Variants in TMEM108 observed in about 807,000 individuals in gnomAD.
The protein encoded by TMEM108 is cancer/testis antigen 124.
A neutral mutation model predicts 35.1 loss-of-function variants in TMEM108; 12 were observed. The observed-to-expected ratio is 0.34, with a 90% CI of 0.22 to 0.55. TMEM108 has a LOEUF of 0.55. Ranked by LOEUF, TMEM108 falls within the 20% of genes least tolerant of loss-of-function variation. TMEM108 has a pLI of 0.89. For synonymous variants in TMEM108, 287 were observed against 308.6 expected, an observed-to-expected ratio of 0.93 and a Z score of 0.73; for missense variants, 680 against 753.3, an observed-to-expected ratio of 0.90 and a Z score of 1.14.
rs769528744 is a variant in TMEM108, at chr3:133,380,567, G to C, written c.856G>C (p.Gly286Arg). The C allele has an allele frequency of 9.3e-6, 15 of 1,613,526 alleles. No homozygotes were observed. Among genetic ancestry groups the C allele is most frequent in the African/African-American group, 2.7e-5 (2 of 74,912 alleles). Residue 286 changes from glycine (G) to arginine (R), a missense_variant, in exon 4 of 6, where the codon GGG (glycine) becomes CGG (arginine). This residue lies in a region of TMEM108 where 526 missense variants were observed against 532.1 expected (regional missense o/e 0.99). Transcript: ENST00000321871. The surrounding 1 kb of genome is among the most constrained non-coding windows in gnomAD (Gnocchi z 5.3). Reference protein sequence around the residue: ...DKPGLRRAAQGGGSTFTSQGG... With the variant: ...DKPGLRRAAQRGGSTFTSQGG... Reference sequence around the variant, plus strand: ...GCCAGGCCTTCGCAGAGCAGCCCAGGGGGGTGGTTCTACCTTCACCAGCCA... The same window carrying C: ...GCCAGGCCTTCGCAGAGCAGCCCAGCGGGGTGGTTCTACCTTCACCAGCCA...
At chr3:133,393,960 G>A (rs971967290) in intron 5 of TMEM108, among the ~76,000 whole-genome samples, 6 of 152,230 alleles carry the variant, frequency 3.9e-5, no homozygotes, top group Non-Finnish European at 7.3e-5. Flanking sequence ...GGCGCCATAG[G>A]ACCTGCAGCA....
At chr3:133,233,026 G>GTT (rs61221027) in intron 3 of TMEM108, among the ~76,000 whole-genome samples, 8 of 138,764 alleles carry the variant, frequency 5.8e-5, no homozygotes, top group Admixed American at 3.5e-4. Context: ...TACCACTTTC[G>GTT]TTTTTTTTTT....
chr3:133,270,356 C>T (rs762832502), intron 3 of TMEM108, among the ~76,000 whole-genome samples: 2 of 152,208 alleles, frequency 1.3e-5, no homozygotes, highest in African/African-American at 2.4e-5. Context: ...AGTAGGCACT[C>T]GATAAATGTT....
chr3:133,248,944 C>A (rs1361941757), intron 3 of TMEM108, among the ~76,000 whole-genome samples: 2 of 152,190 alleles, frequency 1.3e-5, no homozygotes, highest in African/African-American at 4.8e-5. Flanking sequence ...ACTCCTGCTG[C>A]TGATTAAAAG....
At chr3:133,391,791 C>T (rs371217473) in intron 5 of TMEM108, among the ~76,000 whole-genome samples, 2 of 152,212 alleles carry the variant, frequency 1.3e-5, no homozygotes, top group East Asian at 3.8e-4. Context: ...ACTTCCTCAG[C>T]GAGGCCTTCC....
chr3:133,304,022 A>G (rs1947267166), intron 3 of TMEM108, among the ~76,000 whole-genome samples: 1 of 152,234 alleles, frequency 6.6e-6, no homozygotes, highest in Non-Finnish European at 1.5e-5. Context: ...CCATAGTAAT[A>G]TGGCTCTGCC....
At chr3:133,355,919 T>C (rs902245945) in intron 3 of TMEM108, among the ~76,000 whole-genome samples, 3 of 152,150 alleles carry the variant, frequency 2.0e-5, no homozygotes, top group African/African-American at 7.2e-5. Context: ...GTATTTCTTC[T>C]TACATTTGAT....
At chr3:133,125,669 G>T (rs1029593236) in intron 2 of TMEM108, among the ~76,000 whole-genome samples, 15 of 152,092 alleles carry the variant, frequency 9.9e-5, no homozygotes, top group African/African-American at 3.1e-4. Context: ...ACAATCTTAA[G>T]GAAACCTTTC....
At chr3:133,365,009 C>G (rs2072463804) in intron 3 of TMEM108, among the ~76,000 whole-genome samples, 1 of 152,204 alleles carries the variant, frequency 6.6e-6, no homozygotes, top group Non-Finnish European at 1.5e-5. Context: ...TCTTTTAAGG[C>G]AGCTCCATTC....
intron 3 of TMEM108, among the ~76,000 whole-genome samples, chr3:133,349,504 G>C (rs1209643): frequency 0.16 from 24,588 of 152,000 alleles, 2,399 homozygotes; most frequent in East Asian, 0.38. Context: ...GCAGAGTGAA[G>C]AGATGGCCTA....
chr3:133,379,852 G>A lies in TMEM108; in HGVS notation c.141G>A (p.Pro47=), dbSNP rs1018937358. 1.2e-5 allele frequency: 19 copies of A among 1,613,648 alleles called. No homozygotes were observed. The highest frequency in any genetic ancestry group is 6.7e-5 in the Admixed American group (4 of 59,968). Residue 47 remains proline, a synonymous_variant, in exon 4 of 6, where the codon CCG becomes CCA. Transcript: ENST00000321871. ...SLQVLPSGTP[P]GTMVTAPHSS... is the part of the protein sequence containing the mutation. ...AGGTCCTCCCTTCAGGCACTCCCCCGGGAACCATGGTGACAGCACCCCACA... is the reference window on the plus strand; with the variant it reads ...AGGTCCTCCCTTCAGGCACTCCCCCAGGAACCATGGTGACAGCACCCCACA...
At chr3:133,298,966 C>T (rs981687886) in intron 3 of TMEM108, among the ~76,000 whole-genome samples, 2 of 152,196 alleles carry the variant, frequency 1.3e-5, no homozygotes, top group Non-Finnish European at 2.9e-5. Context: ...GCCACACTTG[C>T]TGTTTTGAGC....
intron 3 of TMEM108, among the ~76,000 whole-genome samples, chr3:133,360,007 TAAAA>T (rs59374214): frequency 4.4e-5 from 5 of 112,892 alleles, no homozygotes; most frequent in Admixed American, 3.7e-4. Context: ...ACTCAACAGT[TAAAA>T]AAAAAAAAAA....
chr3:133,091,298 C>A (rs1191919858), intron 2 of TMEM108, among the ~76,000 whole-genome samples: 2 of 152,102 alleles, frequency 1.3e-5, no homozygotes, highest in South Asian at 2.1e-4. Flanking sequence ...TTACAGGGAT[C>A]TTCTGTTCAG....
At chr3:133,156,755 A>G (rs1233990343) in intron 2 of TMEM108, among the ~76,000 whole-genome samples, 2 of 152,168 alleles carry the variant, frequency 1.3e-5, no homozygotes, top group African/African-American at 4.8e-5. Flanking sequence ...CTTTGCAGTT[A>G]GGTATGGCCA....
intron 2 of TMEM108, among the ~76,000 whole-genome samples, chr3:133,155,469 C>G (rs1385482708): frequency 6.6e-6 from 1 of 152,154 alleles, no homozygotes; most frequent in African/African-American, 2.4e-5. Flanking sequence ...TACACTCCCA[C>G]CAGCAGAGTA....
At chr3:133,286,203 T>C (rs1946982755) in intron 3 of TMEM108, among the ~76,000 whole-genome samples, 1 of 152,212 alleles carries the variant, frequency 6.6e-6, no homozygotes, top group South Asian at 2.1e-4. Flanking sequence ...AGTATCTCAA[T>C]GGGATGATGT....
At chr3:133,121,291 G>A (rs1203880822) in intron 2 of TMEM108, among the ~76,000 whole-genome samples, 2 of 152,218 alleles carry the variant, frequency 1.3e-5, no homozygotes, top group African/African-American at 4.8e-5. Flanking sequence ...AATAGAACAT[G>A]TTTCATAGCC....
At chr3:133,089,093 T>G (rs949780198) in intron 2 of TMEM108, among the ~76,000 whole-genome samples, 3 of 149,210 alleles carry the variant, frequency 2.0e-5, no homozygotes, top group Admixed American at 1.3e-4. Context: ...AACAACCAGA[T>G]CTCACAAAAA....
Sources: gnomAD v4.1 joint callset for allele counts (sites outside exome capture counted in the v4.1 genomes callset) on GRCh38, gnomAD v4.1.1 for gene constraint, gnomAD v4.1.1 regional missense constraint, Gnocchi (gnomAD v3.1) non-coding constraint, MANE v1.5 for transcripts, NCBI Gene and HGNC (gene_info 2026-07-23, HGNC 2026-07-21) for gene names.